The following LHFPL3 variants were observed in gnomAD, a reference collection of about 807,000 sequenced individuals.
LHFPL3 encodes LHFPL tetraspan subfamily member 3.
LHFPL3 carries 5 observed loss-of-function variants against 19.3 expected under a neutral mutation model. That is an observed-to-expected ratio of 0.26 (90% CI 0.14 to 0.54). LHFPL3 has a LOEUF of 0.54. Ranked by LOEUF, LHFPL3 falls within the 20% of genes least tolerant of loss-of-function variation. The pLI, the probability that LHFPL3 is intolerant of heterozygous loss-of-function variation, is 0.94. For missense variants in LHFPL3, 249 were observed against 307.4 expected (o/e 0.81, Z 1.42); for synonymous variants, 133 against 126.2 (o/e 1.05, Z -0.36).
intron 1 of LHFPL3, among the ~76,000 whole-genome samples, chr7:104,480,944 T>C (rs1182324048): frequency 1.3e-5 from 2 of 152,222 alleles, no homozygotes; most frequent in African/African-American, 2.4e-5. Flanking sequence ...GACCCAGGAC[T>C]GGTCCTTTAG....
intron 1 of LHFPL3, among the ~76,000 whole-genome samples, chr7:104,616,311 C>A (rs1791338877): frequency 6.6e-6 from 1 of 152,136 alleles, no homozygotes; most frequent in Non-Finnish European, 1.5e-5. Context: ...TGGAACAGAG[C>A]AGAGGCCTCA....
chr7:104,374,208 ATGTGTGTGTGTG>A (rs1006955104), intron 1 of LHFPL3, among the ~76,000 whole-genome samples: 21 of 147,154 alleles, frequency 1.4e-4, no homozygotes, highest in Non-Finnish European at 2.2e-4. Flanking sequence ...CTATCTATAT[ATGTGTGTGTGTG>A]TGTGTGTGTG....
chr7:104,419,906 C>T (rs146492766), intron 1 of LHFPL3, among the ~76,000 whole-genome samples: 98 of 152,208 alleles, frequency 6.4e-4, no homozygotes, highest in Non-Finnish European at 1.1e-3. Flanking sequence ...AGAAGTATCC[C>T]GGTTCTATCC....
At chr7:104,460,360 A>G (rs983099681) in intron 1 of LHFPL3, among the ~76,000 whole-genome samples, 1 of 152,162 alleles carries the variant, frequency 6.6e-6, no homozygotes, top group Non-Finnish European at 1.5e-5. Flanking sequence ...CTTTGGGTAT[A>G]TATTCAGTAA....
intron 1 of LHFPL3, among the ~76,000 whole-genome samples, chr7:104,624,654 G>A (rs542724257): frequency 6.6e-6 from 1 of 152,258 alleles, no homozygotes; most frequent in East Asian, 1.9e-4. Context: ...TTATTTTGAA[G>A]GAATAGAGAG....
intron 2 of LHFPL3, among the ~76,000 whole-genome samples, chr7:104,745,758 T>C (rs1794031372): frequency 6.6e-6 from 1 of 152,172 alleles, no homozygotes; most frequent in African/African-American, 2.4e-5. Context: ...ATTATTTTAT[T>C]TGGGGTGCTG....
At chr7:104,610,500 G>A (rs1382470686) in intron 1 of LHFPL3, among the ~76,000 whole-genome samples, 2 of 152,118 alleles carry the variant, frequency 1.3e-5, no homozygotes, top group African/African-American at 4.8e-5. Context: ...GCAAACTGGA[G>A]CCCAAGAGAG....
At chr7:104,695,608 G>A (rs1792982858) in intron 1 of LHFPL3, among the ~76,000 whole-genome samples, 1 of 152,172 alleles carries the variant, frequency 6.6e-6, no homozygotes, top group Non-Finnish European at 1.5e-5. Flanking sequence ...TTTTAGACCT[G>A]GAAGATTTAT....
chr7:104,495,386 A>ATT lies in LHFPL3; in HGVS notation c.445+166169_445+166170dup, dbSNP rs869196257. ...CCATGTCTGGCTATTTAAAAAAAAA[A>ATT]TTTTTTTTCTTTTTTGAGACGGAGT... On this transcript the variant is annotated intron_variant, in intron 1 of 2. Transcript: ENST00000424859. Among the ~76,000 whole-genome samples, 3 of 119,740 alleles carry ATT rather than the reference A, an allele frequency of 2.5e-5. 1 individual carries two copies. The highest frequency in any genetic ancestry group is 8.4e-5 in the African/African-American group (3 of 35,616). 78.6% of individuals were successfully genotyped at this position (119,740 alleles called of 152,430 possible).
chr7:104,873,238 G>A (rs1004193573), intron 2 of LHFPL3, among the ~76,000 whole-genome samples: 4 of 152,156 alleles, frequency 2.6e-5, no homozygotes, highest in African/African-American at 7.2e-5. Flanking sequence ...GGCAAAGTAG[G>A]GGTGTGTGTA....
At chr7:104,555,978 G>A (rs1477304212) in intron 1 of LHFPL3, among the ~76,000 whole-genome samples, 4 of 152,202 alleles carry the variant, frequency 2.6e-5, no homozygotes, top group Admixed American at 2.0e-4. Flanking sequence ...GCTCCAAAAT[G>A]ATCTCCTTTG....
intron 2 of LHFPL3, among the ~76,000 whole-genome samples, chr7:104,889,964 G>A (rs1280661093): frequency 6.6e-6 from 1 of 151,988 alleles, no homozygotes; most frequent in Non-Finnish European, 1.5e-5. Context: ...ATATTTCCTA[G>A]AGATCTTTCC....
chr7:104,347,494 T>A (rs1790093530), intron 1 of LHFPL3, among the ~76,000 whole-genome samples: 1 of 152,162 alleles, frequency 6.6e-6, no homozygotes, highest in African/African-American at 2.4e-5. Flanking sequence ...TGCAAGGAGC[T>A]GTAATGGCTC....
At chr7:104,801,513 G>C (rs1790244538) in intron 2 of LHFPL3, among the ~76,000 whole-genome samples, 1 of 152,164 alleles carries the variant, frequency 6.6e-6, no homozygotes, top group Non-Finnish European at 1.5e-5. Context: ...TATTTCTCTA[G>C]TTAGCACCAA....
At chr7:104,692,418 G>A (rs1485080115) in intron 1 of LHFPL3, among the ~76,000 whole-genome samples, 3 of 152,200 alleles carry the variant, frequency 2.0e-5, no homozygotes, top group African/African-American at 7.2e-5. Flanking sequence ...CCCATCACAG[G>A]CCCAAAGGCC....
At position 104,576,652 on chromosome 7, in the gene LHFPL3, GTTTGTTTTGT is replaced by G. The variant is rs968761887; in HGVS notation, c.446-160009_446-160000del. 2.0e-5 allele frequency among the ~76,000 whole-genome samples: 3 copies of G among 151,884 alleles called. 1 individual carries two copies. The highest frequency in any genetic ancestry group is 2.0e-4 in the Admixed American group (3 of 15,260). On this transcript the variant is annotated intron_variant, in intron 1 of 2. Transcript: ENST00000424859. ...GAGAGTTGGGTTTTTTTGTTTGTTT[GTTTGTTTTGT>G]TTTGTTTTGTTTTTTGCCATGACAT...
chr7:104,747,751 C>A (rs562593035), intron 2 of LHFPL3, among the ~76,000 whole-genome samples: 2 of 152,228 alleles, frequency 1.3e-5, no homozygotes, highest in African/African-American at 2.4e-5. Context: ...CCACAGCAAG[C>A]CTTATCATTA....
intron 2 of LHFPL3, among the ~76,000 whole-genome samples, chr7:104,744,878 C>G (rs532052766): frequency 6.6e-6 from 1 of 152,284 alleles, no homozygotes; most frequent in African/African-American, 2.4e-5. Context: ...CACTCTTTAA[C>G]TGGTGTATCC....
intron 1 of LHFPL3, among the ~76,000 whole-genome samples, chr7:104,358,695 A>T (rs1194140293): frequency 6.6e-6 from 1 of 152,230 alleles, no homozygotes; most frequent in Non-Finnish European, 1.5e-5. Flanking sequence ...GAGCATGCTG[A>T]TTGGGAAGAT....
Sources: allele counts gnomAD v4.1 joint callset (sites outside exome capture counted in the v4.1 genomes callset), GRCh38; gene constraint gnomAD v4.1.1; transcripts MANE v1.5; gene names NCBI Gene and HGNC (gene_info 2026-07-23, HGNC 2026-07-21).